Variants in BCAS1 observed in about 807,000 individuals in gnomAD.
BCAS1 encodes the protein breast carcinoma-amplified sequence 1.
BCAS1 carries 46 observed loss-of-function variants against 65.4 expected under a neutral mutation model. That is an observed-to-expected ratio of 0.70 (90% CI 0.55 to 0.90). The LOEUF is 0.90. Among genes scored for constraint, BCAS1 ranks in the 40% least tolerant of loss-of-function variants. BCAS1 has a pLI of 0.00. For synonymous variants in BCAS1, 298 were observed against 293.5 expected (o/e 1.02, Z -0.16); for missense variants, 793 against 771.2 (o/e 1.03, Z -0.33).
chr20:53,966,980 C>T lies in BCAS1; in HGVS notation c.1411G>A (p.Glu471Lys). 6.2e-7 allele frequency: 1 copy of T among 1,613,368 alleles called. No individual in the cohort carries two copies. Among genetic ancestry groups the T allele is most frequent in the Non-Finnish European group, 8.5e-7 (1 of 1,179,674 alleles). Residue 471 changes from glutamate (E) to lysine (K), a missense_variant, in exon 10 of 13, where the codon GAA (glutamate) becomes AAA (lysine). Transcript: ENST00000688948. ...CTTTTGAGTTTCGCTTCTGTGGGTT[C>T]AGGTGCAGCATCTCCTTCGTTGAGG... ...VDLNEGDAAP[E>K]PTEAKLKREE...
chr20:53,963,502 G>C (rs2048636187), intron 10 of BCAS1, among the ~76,000 whole-genome samples: 1 of 152,052 alleles, frequency 6.6e-6, no homozygotes, highest in Admixed American at 6.6e-5. Context: ...AAAGAAAAAG[G>C]AGGGAAATGC....
chr20:54,065,882 G>A (rs2092434517), intron 1 of BCAS1, among the ~76,000 whole-genome samples: 1 of 152,258 alleles, frequency 6.6e-6, no homozygotes, highest in African/African-American at 2.4e-5. Flanking sequence ...TGTATAACTG[G>A]GTGGCTGGTG....
At chr20:54,012,467 T>TAAAAAAA (rs11343372) in intron 4 of BCAS1, among the ~76,000 whole-genome samples, 1 of 108,114 alleles carries the variant, frequency 9.2e-6, no homozygotes, top group African/African-American at 3.3e-5. Flanking sequence ...AGTTAAAAAG[T>TAAAAAAA]AAAAAAAAAA....
At chr20:53,964,862 G>A (rs2145611544) in intron 10 of BCAS1, among the ~76,000 whole-genome samples, 1 of 151,020 alleles carries the variant, frequency 6.6e-6, no homozygotes, top group South Asian at 2.1e-4. Flanking sequence ...AAATGAAGGA[G>A]CTTCATGTTG....
chr20:53,944,315 CTTTT>C lies in BCAS1; in HGVS notation c.*603_*606del, dbSNP rs34484335. ...TCTTCTATAACTTACTTGCCACTGC[CTTTT>C]TTTTTTTTTGATAGAATCTTGCTCT... On this transcript the variant is annotated 3_prime_UTR_variant, in exon 13 of 13. Coordinates refer to ENST00000688948, the MANE Select transcript of BCAS1 (RefSeq NM_001366298.2). The C allele has an allele frequency of 1.1e-4, 16 of 148,672 alleles. No homozygotes were observed. Among genetic ancestry groups the C allele is most frequent in the African/African-American group, 3.0e-4 (12 of 40,354 alleles). 9.2% of individuals were successfully genotyped at this position (148,672 alleles called of 1,614,324 possible).
chr20:54,055,753 G>A (rs2092288140), intron 3 of BCAS1, among the ~76,000 whole-genome samples: 1 of 152,196 alleles, frequency 6.6e-6, no homozygotes, highest in South Asian at 2.1e-4. Flanking sequence ...AATGACCTAT[G>A]TGTCCATCAG....
intron 4 of BCAS1, among the ~76,000 whole-genome samples, chr20:54,003,944 C>A (rs2091121035): frequency 6.6e-6 from 1 of 152,164 alleles, no homozygotes; most frequent in South Asian, 2.1e-4. Context: ...AGAAGGATGG[C>A]TGCAAATTCT....
At chr20:53,971,539 T>C (rs980928319) in intron 9 of BCAS1, among the ~76,000 whole-genome samples, 3 of 152,326 alleles carry the variant, frequency 2.0e-5, no homozygotes, top group Middle Eastern at 6.8e-3. Context: ...CAGAACAAAC[T>C]CCAGGACATG....
intron 3 of BCAS1, among the ~76,000 whole-genome samples, chr20:54,057,342 C>T (rs990870263): frequency 2.0e-5 from 3 of 152,214 alleles, no homozygotes; most frequent in Non-Finnish European, 4.4e-5. Flanking sequence ...AAACAACCTC[C>T]TTTAATCCTG....
chr20:53,971,395 G>C (rs2090175497), intron 9 of BCAS1, among the ~76,000 whole-genome samples: 1 of 152,232 alleles, frequency 6.6e-6, no homozygotes, highest in African/African-American at 2.4e-5. Context: ...CTTGTAGCAT[G>C]AGTGAGAAAA....
intron 1 of BCAS1, among the ~76,000 whole-genome samples, chr20:54,067,770 G>A (rs1286240048): frequency 1.3e-5 from 2 of 152,190 alleles, no homozygotes; most frequent in African/African-American, 2.4e-5. Flanking sequence ...GGGAGGGGGG[G>A]TGGTTTTGAA....
chr20:53,953,842 G>T, intron 11 of BCAS1, 147 bp from the exon 12 acceptor site: 1 of 959,686 alleles, frequency 1.0e-6, no homozygotes, highest in Non-Finnish European at 1.5e-6. Flanking sequence ...TATAAAAAAA[G>T]GTAAAATGTG....
intron 7 of BCAS1, among the ~76,000 whole-genome samples, chr20:53,988,891 T>C (rs2090681733): frequency 6.6e-6 from 1 of 152,148 alleles, no homozygotes; most frequent in South Asian, 2.1e-4. Context: ...ACCCAAGCAT[T>C]AATAGTGACT....
Position 54,028,416 on chromosome 20 carries a change from C to T in BCAS1, c.699G>A (p.Gln233=), listed in dbSNP as rs1445676854. The part of the protein sequence containing the change: ...KVDEVPGLSG[Q]SDDVPAGKDI... ...CCTTCCCTGCAGGGACATCATCGGA[C>T]TGCCCTGATAAGCCAGGAACCTCAT... is the stretch of plus-strand genomic sequence containing the variant. The change falls in exon 4 of 13, where the codon CAG becomes CAA. Residue 233 remains glutamine (Q), a synonymous_variant. Transcript: ENST00000688948. 6.2e-7 allele frequency: 1 copy of T among 1,614,120 alleles called. No individual in the cohort carries two copies. Among genetic ancestry groups the T allele is most frequent in the African/African-American group, 1.3e-5 (1 of 74,944 alleles).
intron 11 of BCAS1, among the ~76,000 whole-genome samples, chr20:53,957,200 A>C (rs550855529): frequency 3.7e-4 from 57 of 152,344 alleles, no homozygotes; most frequent in African/African-American, 1.3e-3. Context: ...TTTAATGCAG[A>C]AAAGAGGGAA....
chr20:54,057,983 G>A (rs2092320787), intron 3 of BCAS1, 102 bp downstream of exon 3: 2 of 897,564 alleles, frequency 2.2e-6, no homozygotes, highest in Non-Finnish European at 3.5e-6. Flanking sequence ...CTGAGCCTGC[G>A]GCTTCGACCC....
intron 4 of BCAS1, among the ~76,000 whole-genome samples, chr20:54,003,226 CAAAAAAA>C (rs36065746): frequency 1.0e-5 from 1 of 98,578 alleles, no homozygotes; most frequent in Non-Finnish European, 2.0e-5. Context: ...GCCAAACAGA[CAAAAAAA>C]AAAAAAAAAA....
chr20:54,021,030 A>T (rs906461470), intron 4 of BCAS1, among the ~76,000 whole-genome samples: 8 of 152,182 alleles, frequency 5.3e-5, no homozygotes, highest in Non-Finnish European at 1.2e-4. Flanking sequence ...TGCTCCATTC[A>T]CTTAATGATT....
chr20:53,945,899 G>T (rs575134015), intron 12 of BCAS1, among the ~76,000 whole-genome samples: 3 of 152,236 alleles, frequency 2.0e-5, no homozygotes, highest in Admixed American at 2.0e-4. Flanking sequence ...AGCCTCCCCA[G>T]TAGCTTGGAC....
Sources: allele counts gnomAD v4.1 joint callset (sites outside exome capture counted in the v4.1 genomes callset), GRCh38; gene constraint gnomAD v4.1.1; transcripts MANE v1.5; gene names NCBI Gene and HGNC (gene_info 2026-07-23, HGNC 2026-07-21).